Variants in CEP72 observed in about 807,000 individuals in gnomAD.
CEP72 encodes the protein centrosomal protein of 72 kDa.
A neutral mutation model predicts 65.7 loss-of-function variants in CEP72; 78 were observed. The ratio of observed to expected loss-of-function variants is 1.19; its 90% CI spans 0.99 to 1.43. The LOEUF (loss-of-function observed/expected upper bound fraction) is 1.43, where lower values mean the gene tolerates loss of function less well. Ranked by LOEUF, CEP72 falls within the 40% of genes most tolerant of loss-of-function variation. The pLI, the probability that CEP72 is intolerant of heterozygous loss-of-function variation, is 0.00. For synonymous variants in CEP72, 358 were observed against 351.7 expected (o/e 1.02, Z -0.20); for missense variants, 914 against 832.9 (o/e 1.10, Z -1.20).
chr5:634,573 G>C (rs1411470238), intron 5 of CEP72, among the ~76,000 whole-genome samples: 3 of 152,226 alleles, frequency 2.0e-5, no homozygotes. Flanking sequence ...ACTGGGAGCT[G>C]AGTCCTTTAA....
At chr5:670,577 C>T (rs1188898259), downstream of CEP72, among the ~76,000 whole-genome samples, 2 of 152,056 alleles carry the variant, frequency 1.3e-5, no homozygotes, top group African/African-American at 4.8e-5. Context: ...GGGGGAGCTT[C>T]TGGGGAGGTT....
chr5:671,056 C>A (rs981218265), downstream of CEP72, among the ~76,000 whole-genome samples: 2 of 152,160 alleles, frequency 1.3e-5, no homozygotes, highest in Non-Finnish European at 2.9e-5. Context: ...GCTCTAACCC[C>A]AGGCACACCC....
chr5:633,845 G>A lies in CEP72; in HGVS notation c.589G>A (p.Val197Ile), dbSNP rs1478031706. ...GGTCATGGATGCGGATGACGAGGCA[G>A]TCCTGAACCTCATTGCAGAGTGCGA... is the stretch of plus-strand genomic sequence containing the variant. ...SLVMDADDEA[V>I]LNLIAECEWD... The change falls in exon 5 of 12, where the codon GTC becomes ATC. Residue 197 changes from valine to isoleucine, a missense_variant. Transcript: ENST00000264935. 1.2e-6 allele frequency: 2 copies of A among 1,613,932 alleles called. No individual in the cohort carries two copies. The highest frequency in any genetic ancestry group is 1.3e-5 in the African/African-American group (1 of 74,948).
At chr5:642,381 G>A (rs930140460) in intron 9 of CEP72, 46 of 984,588 alleles carry the variant, frequency 4.7e-5, no homozygotes, top group Admixed American at 3.1e-4. Context: ...ATTTAAACAC[G>A]TGTGGCCCCC....
At position 647,796 on chromosome 5, in the gene CEP72, C is replaced by A; in HGVS notation, c.1667-9C>A. ...ATTAATGGTACTTTTTTTTTTCTTT[C>A]TCTTTCAGGACTTCAAACAAGTGTG... On this transcript the variant is annotated splice_polypyrimidine_tract_variant and intron_variant, in intron 10 of 11. Coordinates refer to ENST00000264935, the MANE Select transcript of CEP72 (RefSeq NM_018140.4). 6.4e-7 allele frequency: 1 copy of A among 1,561,650 alleles called. No individual in the cohort carries two copies. Among genetic ancestry groups the A allele is most frequent in the Non-Finnish European group, 8.7e-7 (1 of 1,154,344 alleles).
intron 11 of CEP72, among the ~76,000 whole-genome samples, chr5:648,380 C>T (rs1738573556): frequency 8.2e-6 from 1 of 122,394 alleles, no homozygotes; most frequent in Admixed American, 8.1e-5. Flanking sequence ...GACCACGAGG[C>T]ATGGACTGTG....
At chr5:614,721 A>G (rs1735883981) in intron 1 of CEP72, among the ~76,000 whole-genome samples, 1 of 151,830 alleles carries the variant, frequency 6.6e-6, no homozygotes, top group Non-Finnish European at 1.5e-5. Context: ...TTTTCCTGTT[A>G]TTTTTCTGTG....
downstream of CEP72, among the ~76,000 whole-genome samples, chr5:658,645 A>ATTTTTTTTTTTTTTTT (rs70955278): frequency 1.3e-4 from 7 of 55,986 alleles, 2 homozygotes; most frequent in Non-Finnish European, 2.4e-4. Context: ...AGCAAAGCTG[A>ATTTTTTTTTTTTTTTT]TTTTTTTTTT....
At chr5:665,649 AC>A (rs1375998547) in intron 3 of CEP72, among the ~76,000 whole-genome samples, 10 of 76,906 alleles carry the variant, frequency 1.3e-4, no homozygotes, top group Non-Finnish European at 2.7e-4. Flanking sequence ...CCTCCCCAGG[AC>A]CCCCCCAGGC....
Position 624,330 on chromosome 5 carries a change from G to A in CEP72, c.404-141G>A, listed in dbSNP as rs1331495818. 3 of 637,408 alleles carry A rather than the reference G, an allele frequency of 4.7e-6. No individual in the cohort carries two copies. The highest frequency in any genetic ancestry group is 3.6e-5 in the African/African-American group (2 of 55,258). The allele number at this position is 637,408 out of a possible 1,614,324, so 39.5% of individuals were successfully genotyped here. A position where few individuals can be genotyped will look rare whatever the true frequency, so the allele number is the denominator to read the frequency against. ...GCCGGGAAGCTGTGGGACCACCAGA[G>A]CCCAGCATTCCGGTGCTAGGTTAGT... On this transcript the variant is annotated intron_variant, in intron 3 of 11. Coordinates refer to ENST00000264935, the MANE Select transcript of CEP72 (RefSeq NM_018140.4). The surrounding 1 kb of genome is among the most constrained non-coding windows in gnomAD (Gnocchi z 4.7).
rs754391753 is a variant in CEP72, at chr5:620,175, T to A, written c.317T>A (p.Val106Glu). Residue 106 changes from valine (V) to glutamate (E), a missense_variant, in exon 3 of 12, where the codon GTG becomes GAG. Physicochemically the swap from Val to Glu is moderately radical, Grantham distance 121. Coordinates refer to ENST00000264935, the MANE Select transcript of CEP72 (RefSeq NM_018140.4). ...RLHALTELVD[V>E]DFRLNPVVKV... ...CACGCCTTAACCGAGCTCGTGGATGTGGACTTCCGGCTGAACCCCGTGGTG... is the reference window on the plus strand; with the variant it reads ...CACGCCTTAACCGAGCTCGTGGATGAGGACTTCCGGCTGAACCCCGTGGTG... 72 of 1,614,100 alleles carry A rather than the reference T, an allele frequency of 4.5e-5. No homozygotes were observed. Among genetic ancestry groups the A allele is most frequent in the Non-Finnish European group, 5.9e-5 (70 of 1,180,050 alleles).
chr5:674,076 G>T, the CEP72 span, among the ~76,000 whole-genome samples: 1 of 152,248 alleles, frequency 6.6e-6, no homozygotes, highest in Non-Finnish European at 1.5e-5. Flanking sequence ...CATGGGGCCG[G>T]CCCTGCAGGG....
At chr5:648,572 AGGTGT>A (rs1230493398) in intron 11 of CEP72, among the ~76,000 whole-genome samples, 8 of 130,458 alleles carry the variant, frequency 6.1e-5, no homozygotes, top group African/African-American at 2.5e-4. Context: ...GTGGACTGTG[AGGTGT>A]GACTGTGAGG....
intron 11 of CEP72, among the ~76,000 whole-genome samples, chr5:648,869 T>C (rs76491406): frequency 2.4e-3 from 123 of 51,200 alleles, no homozygotes; most frequent in African/African-American, 3.5e-3. Context: ...GACTGTGAGG[T>C]GTGACTGTGA....
At chr5:639,340 C>G (rs1709551) in intron 8 of CEP72, 116 bp downstream of exon 8, 289,018 of 1,220,954 alleles carry the variant, frequency 0.24, 36,175 homozygotes, top group East Asian at 0.42. Flanking sequence ...ATGTCCCCTC[C>G]CACGAGCGTG....
intron 6 of CEP72, among the ~76,000 whole-genome samples, chr5:636,623 C>T (rs112849427): frequency 0.099 from 15,075 of 151,976 alleles, 1,621 homozygotes; most frequent in African/African-American, 0.27. Context: ...CCAGCCTGGC[C>T]AACATGGTGA....
At position 637,703 on chromosome 5, in the gene CEP72, A is replaced by G. The variant is rs1416485152; in HGVS notation, c.1091A>G (p.Lys364Arg). The G allele has an allele frequency of 1.9e-6, 3 of 1,613,788 alleles. No individual in the cohort carries two copies. The highest frequency in any genetic ancestry group is 8.5e-7 in the Non-Finnish European group (1 of 1,180,014). ...AGAACTCATGGGTCCTCCGTGCCCA[A>G]GGAGAGCCTGAGCAGACAGGACAGC... ...PERTHGSSVP[K>R]ESLSRQDSSE... is the part of the protein sequence containing the mutation. Residue 364 changes from lysine to arginine, a missense_variant, in exon 7 of 12, where the codon AAG becomes AGG. Transcript: ENST00000264935.
rs902866096 is a variant in CEP72 at position 665,792 on chromosome 5, C to T, written n.434-149C>T. On this transcript the variant is annotated intron_variant and non_coding_transcript_variant, in intron 3 of 4. Transcript: ENST00000514507. ...ATGCCCCATTCATGCCCCTTCTGAC[C>T]ACACCTCCTCAGACCCCACACCAGG... The T allele has an allele frequency of 1.5e-5, 11 of 726,300 alleles. No individual in the cohort carries two copies. In the African/African-American group the frequency reaches 1.8e-4, roughly 12 times the overall value. 45.0% of individuals were successfully genotyped at this position (726,300 alleles called of 1,614,324 possible).
intron 11 of CEP72, among the ~76,000 whole-genome samples, chr5:649,275 G>GCA (rs1451646570): frequency 2.6e-5 from 3 of 117,386 alleles, no homozygotes; most frequent in African/African-American, 7.7e-5. Context: ...TGACTGTGAG[G>GCA]TGTGACTGTG....
Sources: allele counts gnomAD v4.1 joint callset (sites outside exome capture counted in the v4.1 genomes callset), GRCh38; gene constraint gnomAD v4.1.1; non-coding constraint Gnocchi (gnomAD v3.1); transcripts MANE v1.5; gene names NCBI Gene and HGNC (gene_info 2026-07-23, HGNC 2026-07-21).